Variants in EBF4 observed in about 807,000 individuals in gnomAD.
EBF4 encodes transcription factor COE4.
In EBF4, 34 loss-of-function variants were observed where a neutral mutation model predicts 67.1. That is an observed-to-expected ratio of 0.51 (90% CI 0.39 to 0.67). The LOEUF (loss-of-function observed/expected upper bound fraction) is 0.67. Ranked by LOEUF, EBF4 falls within the 30% of genes least tolerant of loss-of-function variation. The pLI is 0.00. For synonymous variants in EBF4, 387 were observed against 377.7 expected, an observed-to-expected ratio of 1.02 and a Z score of -0.29; for missense variants, 837 against 873.3, an observed-to-expected ratio of 0.96 and a Z score of 0.52.
chr20:2,698,522 G>A (rs866335757), intron 1 of EBF4, among the ~76,000 whole-genome samples: 1 of 152,184 alleles, frequency 6.6e-6, no homozygotes, highest in Non-Finnish European at 1.5e-5. Context: ...GGTCCAGAGG[G>A]TGCCTGCAGG....
At chr20:2,705,485 G>A (rs533417081) in intron 1 of EBF4, 92 bp from the exon 2 acceptor site, 2 of 1,528,118 alleles carry the variant, frequency 1.3e-6, no homozygotes, top group South Asian at 1.2e-5. Flanking sequence ...TTGGAGCCAT[G>A]TCCTGGCTAG....
intron 16 of EBF4, 94 bp downstream of exon 16, chr20:2,759,078 C>T (rs1226994238): frequency 1.5e-5 from 18 of 1,197,942 alleles, no homozygotes; most frequent in African/African-American, 3.0e-5. Flanking sequence ...CAAGCCTCCC[C>T]GCTAGCAGCC....
rs1196594332 is a variant in EBF4 at position 2,739,335 on chromosome 20, C to G, written c.558-9214C>G. On this transcript the variant is annotated intron_variant, in intron 6 of 16. Transcript: ENST00000609451. This position sits in a 1 kb window ranked among gnomAD's most constrained non-coding sequence, Gnocchi z 4.5. ...CTGCCCCGTGGTGGAGCTGTTAGTC[C>G]CTTTGCATGGAGGGCCCTGCCTCCT... is the stretch of plus-strand genomic sequence containing the variant. Among the ~76,000 whole-genome samples the G allele has an allele frequency of 6.6e-6, 1 of 151,844 alleles. No homozygotes were observed. Among genetic ancestry groups the G allele is most frequent in the East Asian group, 1.9e-4 (1 of 5,164 alleles).
intron 6 of EBF4, among the ~76,000 whole-genome samples, chr20:2,725,188 C>G (rs2087732027): frequency 6.6e-6 from 1 of 152,286 alleles, no homozygotes; most frequent in South Asian, 2.1e-4. Context: ...CCAAAGAACA[C>G]TCCAATTTAG....
intron 6 of EBF4, among the ~76,000 whole-genome samples, chr20:2,717,228 A>AC (rs1210132099): frequency 2.0e-5 from 3 of 152,202 alleles, no homozygotes; most frequent in Non-Finnish European, 4.4e-5. Flanking sequence ...TCTACTATGT[A>AC]CCAGGCACTA....
chr20:2,697,008 T>C (rs1219036216), intron 1 of EBF4, among the ~76,000 whole-genome samples: 1 of 152,174 alleles, frequency 6.6e-6, no homozygotes, highest in African/African-American at 2.4e-5. Context: ...GAGGAAGCAG[T>C]AATGTTTCTC....
In EBF4 at chr20:2,752,407, C is replaced by T. The variant is rs2088168524; in HGVS notation, c.1402C>T (p.Pro468Ser). 7 of 1,287,384 alleles carry T rather than the reference C, an allele frequency of 5.4e-6. No individual in the cohort carries two copies. In the South Asian group the frequency reaches 1.2e-4, roughly 22 times the overall value. The allele number at this position is 1,287,384 out of a possible 1,614,324, so 79.7% of individuals were successfully genotyped here. ...GTCCCCCCGCGGGTTCGCGCCCAGC[C>T]CCGGCTCGCAGCAGAGCGGCTACGG... Residue 468 changes from proline (P) to serine (S), a missense_variant, in exon 14 of 17, where the codon CCC becomes TCC. Pro to Ser is a moderately conservative substitution (Grantham distance 74). This residue lies in a region of EBF4 where 525 missense variants were observed against 496.5 expected (regional missense o/e 1.06). Coordinates refer to ENST00000609451, the Ensembl canonical transcript of EBF4.
chr20:2,722,848 G>C (rs1267036332), intron 6 of EBF4, among the ~76,000 whole-genome samples: 3 of 152,126 alleles, frequency 2.0e-5, no homozygotes, highest in South Asian at 4.1e-4. Flanking sequence ...GCAGAAGTGT[G>C]TTTCTTAATT....
intron 6 of EBF4, among the ~76,000 whole-genome samples, chr20:2,737,149 C>G (rs1282477100): frequency 6.6e-6 from 1 of 151,056 alleles, no homozygotes; most frequent in African/African-American, 2.4e-5. Context: ...ACTCGGGAGG[C>G]TGAGGCAGGA....
intron 6 of EBF4, among the ~76,000 whole-genome samples, chr20:2,713,614 A>T (rs866785204): frequency 6.6e-6 from 1 of 152,196 alleles, no homozygotes; most frequent in African/African-American, 2.4e-5. Flanking sequence ...GAGTGGTTGC[A>T]TAAAACCAGA....
chr20:2,733,815 GAA>G (rs202216825), intron 6 of EBF4, among the ~76,000 whole-genome samples: 6 of 106,748 alleles, frequency 5.6e-5, no homozygotes, highest in Admixed American at 9.9e-5. Context: ...TAGCTGATGA[GAA>G]AAAAAAAAAA....
At chr20:2,743,392 A>G (rs1423386227) in intron 6 of EBF4, among the ~76,000 whole-genome samples, 1 of 152,234 alleles carries the variant, frequency 6.6e-6, no homozygotes, top group African/African-American at 2.4e-5. Context: ...TTCCAGGTCC[A>G]GCCTTGGAAG....
intron 1 of EBF4, among the ~76,000 whole-genome samples, chr20:2,700,749 C>T (rs2087363035): frequency 6.6e-6 from 1 of 152,222 alleles, no homozygotes; most frequent in African/African-American, 2.4e-5. Flanking sequence ...TCCCCTTCCC[C>T]TTCCCCAGCC....
In EBF4 at chr20:2,747,842, T is replaced by C. The variant is rs1490609228; in HGVS notation, c.558-707T>C. 2.0e-5 allele frequency among the ~76,000 whole-genome samples: 3 copies of C among 152,236 alleles called. No individual in the cohort carries two copies. Among genetic ancestry groups the C allele is most frequent in the Non-Finnish European group, 4.4e-5 (3 of 68,044 alleles). On this transcript the variant is annotated intron_variant, in intron 6 of 16. Transcript: ENST00000609451. The surrounding 1 kb of genome is among the most constrained non-coding windows in gnomAD (Gnocchi z 4.6). ...CACCGTGCATGATGGGTACAGGCTCTGTGTCTGCTTAGTATGCCATATGTG... is the reference window on the plus strand; with the variant it reads ...CACCGTGCATGATGGGTACAGGCTCCGTGTCTGCTTAGTATGCCATATGTG...
chr20:2,706,995 C>T (rs1247980672), intron 4 of EBF4, among the ~76,000 whole-genome samples: 1 of 152,228 alleles, frequency 6.6e-6, no homozygotes, highest in Non-Finnish European at 1.5e-5. Context: ...GGCCCCAAAT[C>T]TCAGGGCTTT....
intron 6 of EBF4, among the ~76,000 whole-genome samples, chr20:2,744,291 T>C (rs138946077): frequency 6.6e-6 from 1 of 151,892 alleles, no homozygotes; most frequent in East Asian, 1.9e-4. Flanking sequence ...CACTGACAAA[T>C]ATCATTTGTA....
At chr20:2,699,097 C>T (rs183490257) in intron 1 of EBF4, among the ~76,000 whole-genome samples, 17 of 152,224 alleles carry the variant, frequency 1.1e-4, no homozygotes, top group African/African-American at 3.1e-4. Flanking sequence ...GAGCAGCTGC[C>T]GCGAAAAGGG....
chr20:2,738,371 G>A lies in EBF4; in HGVS notation c.558-10178G>A, dbSNP rs6051352. Among the ~76,000 whole-genome samples the A allele has an allele frequency of 6.9e-3, 1,046 of 152,112 alleles. 27 individuals carry two copies. The highest frequency in any genetic ancestry group is 0.024 in the African/African-American group (996 of 41,506). On this transcript the variant is annotated intron_variant, in intron 6 of 16. Transcript: ENST00000609451. ...CTCTGTGGCTTCTGCTGCCGTCCATGCCCCATCCCCCCTCCTCCCTCCTTT... is the reference window on the plus strand; with the variant it reads ...CTCTGTGGCTTCTGCTGCCGTCCATACCCCATCCCCCCTCCTCCCTCCTTT...
exon 6 of EBF4, chr20:2,709,589 G>C: frequency 6.4e-7 from 1 of 1,557,084 alleles, no homozygotes; most frequent in South Asian, 1.2e-5. Flanking sequence ...GCTGTGACCG[G>C]AAGAGCTGTG....
Sources: allele counts gnomAD v4.1 joint callset (sites outside exome capture counted in the v4.1 genomes callset), GRCh38; gene constraint gnomAD v4.1.1; regional missense constraint gnomAD v4.1.1; non-coding constraint Gnocchi (gnomAD v3.1); transcripts MANE v1.5; gene names NCBI Gene and HGNC (gene_info 2026-07-23, HGNC 2026-07-21).